The following MTO1 variants were observed in gnomAD, a reference collection of about 807,000 sequenced individuals.
The protein encoded by MTO1 is mitochondrial tRNA translation optimization 1, also known as 5-taurinomethyluridine-[tRNA] synthase subunit MTO1, mitochondrial.
Under a neutral mutation model 71.6 loss-of-function variants are expected in MTO1, and 46 were observed. The observed-to-expected ratio is 0.64, with a 90% CI of 0.51 to 0.82. The LOEUF (loss-of-function observed/expected upper bound fraction) is 0.82. MTO1 is among the 40% of genes least tolerant of loss of function. The probability of loss-of-function intolerance (pLI) is 0.00; values close to 1 mark genes in which losing one functional copy is unlikely to be tolerated. For missense variants in MTO1, 773 were observed against 867.5 expected, an observed-to-expected ratio of 0.89 and a Z score of 1.37; for synonymous variants, 297 against 312.1, an observed-to-expected ratio of 0.95 and a Z score of 0.51.
intron 3 of MTO1, chr6:73,471,383 T>A: frequency 2.3e-6 from 1 of 434,918 alleles, no homozygotes; most frequent in South Asian, 1.7e-5. Context: ...TTATATTGTT[T>A]TTATTAGTAT....
chr6:73,467,627 A>AAATAAAT (rs1304573398), intron 3 of MTO1, among the ~76,000 whole-genome samples: 1 of 150,866 alleles, frequency 6.6e-6, no homozygotes, highest in African/African-American at 2.4e-5. Flanking sequence ...ATAAATAAAT[A>AAATAAAT]AATAAATAAA....
At chr6:73,470,162 G>T (rs796519948) in intron 3 of MTO1, among the ~76,000 whole-genome samples, 1 of 151,988 alleles carries the variant, frequency 6.6e-6, no homozygotes, top group Admixed American at 6.6e-5. Flanking sequence ...GTGCCAGGGA[G>T]TGTCATCTTT....
chr6:73,494,776 T>C (rs1429355086), intron 10 of MTO1, among the ~76,000 whole-genome samples: 2 of 88,548 alleles, frequency 2.3e-5, no homozygotes, highest in Admixed American at 2.2e-4. Flanking sequence ...GCTCCTGGCC[T>C]TTTTTTTTTT....
intron 1 of MTO1, 95 bp downstream of exon 1, chr6:73,462,166 C>G (rs1222270597): frequency 1.5e-6 from 2 of 1,333,422 alleles, no homozygotes; most frequent in Non-Finnish European, 2.1e-6. Context: ...TTCCTTTCCT[C>G]AAAGCTAGTG....
At chr6:73,475,110 T>G (rs1271012255) in intron 4 of MTO1, among the ~76,000 whole-genome samples, 1 of 151,992 alleles carries the variant, frequency 6.6e-6, no homozygotes, top group Non-Finnish European at 1.5e-5. Context: ...TAAGCTTTTA[T>G]TTTAAAAAAT....
intron 10 of MTO1, among the ~76,000 whole-genome samples, chr6:73,496,133 G>C (rs547108377): frequency 1.3e-5 from 2 of 152,118 alleles, no homozygotes; most frequent in African/African-American, 2.4e-5. Flanking sequence ...GATGATGTAC[G>C]CATAGTCAGA....
chr6:73,472,898 C>T (rs1447519874), intron 3 of MTO1, among the ~76,000 whole-genome samples: 1 of 152,090 alleles, frequency 6.6e-6, no homozygotes, highest in Non-Finnish European at 1.5e-5. Flanking sequence ...AAAAAAGATT[C>T]TCAAGTTTTT....
At chr6:73,495,653 T>C (rs1771959893) in intron 10 of MTO1, among the ~76,000 whole-genome samples, 1 of 152,146 alleles carries the variant, frequency 6.6e-6, no homozygotes, top group Non-Finnish European at 1.5e-5. Context: ...AAACATTTCT[T>C]GAGGGCATAA....
chr6:73,462,741 T>C (rs1182667122), intron 1 of MTO1, among the ~76,000 whole-genome samples: 1 of 152,028 alleles, frequency 6.6e-6, no homozygotes, highest in East Asian at 1.9e-4. Flanking sequence ...ATAATGATAA[T>C]ATTAATAAAA....
rs1306706849 is a variant in MTO1 at position 73,466,261 on chromosome 6, G to A, written c.270G>A (p.Met90Ile). ...SFGGIGKGHL[M>I]REVDALDGLC... Reference sequence around the variant, plus strand: ...GTGGCATCGGAAAGGGACATTTAATGAGGGAAGTAGATGCCTTGGATGGCC... The same window carrying A: ...GTGGCATCGGAAAGGGACATTTAATAAGGGAAGTAGATGCCTTGGATGGCC... The change falls in exon 2 of 12, where the codon ATG (methionine) becomes ATA (isoleucine). Residue 90 changes from methionine to isoleucine, a missense_variant. Met to Ile is a conservative substitution (Grantham distance 10). Transcript: ENST00000498286. 3.7e-6 allele frequency: 6 copies of A among 1,614,006 alleles called. No individual in the cohort carries two copies. In the Admixed American group the frequency reaches 1.0e-4, roughly 27 times the overall value.
intron 4 of MTO1, among the ~76,000 whole-genome samples, chr6:73,478,983 G>C (rs1327912213): frequency 1.4e-5 from 2 of 147,802 alleles, no homozygotes; most frequent in East Asian, 4.1e-4. Context: ...CCGCCTCCCA[G>C]GTTCAAGTGA....
chr6:73,484,178 C>T (rs1394175617), intron 9 of MTO1, among the ~76,000 whole-genome samples: 1 of 152,150 alleles, frequency 6.6e-6, no homozygotes, highest in Non-Finnish European at 1.5e-5. Context: ...TTTGCGTAAT[C>T]ATCTTTCATA....
chr6:73,493,942 A>G (rs1478751552), intron 10 of MTO1, among the ~76,000 whole-genome samples: 1 of 151,964 alleles, frequency 6.6e-6, no homozygotes, highest in Non-Finnish European at 1.5e-5. Context: ...TTTATTATGA[A>G]AATACTGAAG....
chr6:73,467,707 A>G (rs1771041150), intron 3 of MTO1, among the ~76,000 whole-genome samples: 2 of 152,154 alleles, frequency 1.3e-5, no homozygotes, highest in South Asian at 4.1e-4. Flanking sequence ...CAGACACTTC[A>G]GCTTTTTTAG....
At chr6:73,481,336 G>T (rs1343050790) in intron 7 of MTO1, among the ~76,000 whole-genome samples, 2 of 152,022 alleles carry the variant, frequency 1.3e-5, no homozygotes, top group Non-Finnish European at 2.9e-5. Flanking sequence ...TAGATGTATT[G>T]CTTGTGAAGT....
intron 1 of MTO1, 101 bp downstream of exon 1, chr6:73,462,172 T>C (rs1261831062): frequency 1.6e-6 from 2 of 1,281,494 alleles, no homozygotes; most frequent in South Asian, 1.3e-5. Flanking sequence ...TCCTCAAAGC[T>C]AGTGAGAATC....
chr6:73,476,726 C>T (rs1771334632), intron 4 of MTO1, among the ~76,000 whole-genome samples: 1 of 151,890 alleles, frequency 6.6e-6, no homozygotes, highest in Non-Finnish European at 1.5e-5. Flanking sequence ...ACAGAGACAT[C>T]CTTTTATATA....
chr6:73,471,320 T>G, intron 3 of MTO1: 1 of 345,834 alleles, frequency 2.9e-6, no homozygotes, highest in African/African-American at 2.2e-5. Context: ...TAAATTAGTT[T>G]TACTTTCATT....
intron 4 of MTO1, among the ~76,000 whole-genome samples, chr6:73,477,016 G>T (rs1561944063): frequency 6.6e-6 from 1 of 151,852 alleles, no homozygotes; most frequent in Non-Finnish European, 1.5e-5. Flanking sequence ...TTGAACTGCT[G>T]TTCTTAAATG....
Sources: gnomAD v4.1 joint callset for allele counts (sites outside exome capture counted in the v4.1 genomes callset) on GRCh38, gnomAD v4.1.1 for gene constraint, MANE v1.5 for transcripts, NCBI Gene and HGNC (gene_info 2026-07-23, HGNC 2026-07-21) for gene names.